The following LRP2 variants were observed in gnomAD, a reference collection of about 807,000 sequenced individuals.
LRP2 encodes the protein low-density lipoprotein receptor-related protein 2.
In LRP2, 172 loss-of-function variants were observed where a neutral mutation model predicts 531.0. The observed-to-expected ratio is 0.32, with a 90% CI of 0.29 to 0.37. The LOEUF is 0.37. LRP2 is among the 10% of genes least tolerant of loss of function. The pLI is 1.00. For missense variants in LRP2, 5,167 were observed against 5,868.3 expected (o/e 0.88, Z 3.90); for synonymous variants, 1,992 against 2,027.6 (o/e 0.98, Z 0.47).
rs1020318889 is a variant in LRP2 at position 169,236,179 on chromosome 2, C to A, written c.4692-111G>T. On this transcript the variant is annotated intron_variant, in intron 28 of 78. Transcript: ENST00000649046. ...TTATGCCCTGCTTAAAATAAATCAT[C>A]TCTGGTTCAGAATATATTCACAGAG... is the stretch of plus-strand genomic sequence containing the variant. 6.0e-6 allele frequency: 5 copies of A among 833,438 alleles called. No individual in the cohort carries two copies. The African/African-American group carries it at 8.4e-5, about 14-fold the overall frequency. 51.6% of individuals were successfully genotyped at this position (833,438 alleles called of 1,614,324 possible). A position where few individuals can be genotyped will look rare whatever the true frequency, so the allele number is the denominator to read the frequency against.
intron 70 of LRP2, 135 bp downstream of exon 70, chr2:169,145,612 A>C (rs1685878759): frequency 2.4e-6 from 2 of 845,520 alleles, no homozygotes; most frequent in Non-Finnish European, 3.9e-6. Context: ...GCAAACGTAC[A>C]TACACATATA....
intron 1 of LRP2, among the ~76,000 whole-genome samples, chr2:169,350,277 C>G (rs74716180): frequency 9.2e-5 from 14 of 152,126 alleles, no homozygotes; most frequent in Non-Finnish European, 1.3e-4. Flanking sequence ...CAATTTCAGA[C>G]ATGTGAAGTC....
intron 54 of LRP2, 22 bp from the exon 55 acceptor site, chr2:169,175,411 C>G (rs1442068167): frequency 6.2e-7 from 1 of 1,611,472 alleles, no homozygotes; most frequent in Non-Finnish European, 8.5e-7. Context: ...ACATACAGCA[C>G]TTCTTTAGCA....
At chr2:169,285,622 C>T (rs796234669) in intron 9 of LRP2, among the ~76,000 whole-genome samples, 7 of 152,124 alleles carry the variant, frequency 4.6e-5, no homozygotes, top group African/African-American at 1.2e-4. Flanking sequence ...AACTGAGCCC[C>T]CCTTGGCCAC....
In LRP2 at chr2:169,175,248, T is replaced by C. The variant is rs774577540; in HGVS notation, c.10713A>G (p.Leu3571=). The C allele has an allele frequency of 6.2e-7, 1 of 1,614,066 alleles. No homozygotes were observed. Among genetic ancestry groups the C allele is most frequent in the Admixed American group, 1.7e-5 (1 of 60,002 alleles). The change falls in exon 55 of 79, where the codon TTA becomes TTG. Residue 3571 remains leucine, a synonymous_variant. Transcript: ENST00000649046. ...CAGGGCAATTTTGGTGAGCATTGCATAAAGTCTGCGGGCTGGTGCAGTTGC... is the reference window on the plus strand; with the variant it reads ...CAGGGCAATTTTGGTGAGCATTGCACAAAGTCTGCGGGCTGGTGCAGTTGC... The part of the protein sequence containing the change: ...SDGNCTSPQT[L]CNAHQNCPDG...
At chr2:169,330,131 A>G (rs930883726) in intron 1 of LRP2, among the ~76,000 whole-genome samples, 2 of 152,120 alleles carry the variant, frequency 1.3e-5, no homozygotes, top group African/African-American at 4.8e-5. Flanking sequence ...TCTTCCACGA[A>G]ACCAGTCCCT....
chr2:169,279,260 A>G (rs1172264682), intron 12 of LRP2, 112 bp downstream of exon 12: 11 of 799,994 alleles, frequency 1.4e-5, no homozygotes, highest in Non-Finnish European at 2.4e-5. Flanking sequence ...TAGAGTATAC[A>G]GCCTAAAAGA....
At chr2:169,132,304 T>G (rs1179452224) in intron 77 of LRP2, among the ~76,000 whole-genome samples, 1 of 152,244 alleles carries the variant, frequency 6.6e-6, no homozygotes, top group African/African-American at 2.4e-5. Flanking sequence ...CTGAAGATAC[T>G]GGATCCAGAA....
In LRP2 at chr2:169,189,278, CTA is replaced by C. The variant is rs1270558826; in HGVS notation, c.9033-1015_9033-1014del. 6.6e-5 allele frequency among the ~76,000 whole-genome samples: 10 copies of C among 152,208 alleles called. No individual in the cohort carries two copies. The East Asian group carries it at 1.5e-3, about 24-fold the overall frequency. The stretch of plus-strand genomic sequence containing the variant: ...GAATGTGGTCAGTTTTACAACTGAC[CTA>C]TAACCAGGCCTGCTAACCAGCACTG... On this transcript the variant is annotated intron_variant, in intron 48 of 78. Transcript: ENST00000649046.
chr2:169,170,334 T>A (rs1686948583), intron 59 of LRP2, among the ~76,000 whole-genome samples: 1 of 152,230 alleles, frequency 6.6e-6, no homozygotes, highest in Non-Finnish European at 1.5e-5. Flanking sequence ...TGTTTAAAAT[T>A]CCTTGCTATT....
At chr2:169,164,598 C>A (rs562338000) in intron 62 of LRP2, among the ~76,000 whole-genome samples, 1 of 152,334 alleles carries the variant, frequency 6.6e-6, no homozygotes, top group African/African-American at 2.4e-5. Context: ...CCATGTTGAT[C>A]TTCTCCTGCC....
chr2:169,346,927 G>T (rs1331233041), intron 1 of LRP2, among the ~76,000 whole-genome samples: 1 of 152,178 alleles, frequency 6.6e-6, no homozygotes, highest in African/African-American at 2.4e-5. Context: ...AAGCTTTTAA[G>T]TTCTATCTTT....
intron 45 of LRP2, 69 bp downstream of exon 45, chr2:169,198,717 A>G (rs1414658988): frequency 8.9e-6 from 14 of 1,581,866 alleles, no homozygotes; most frequent in Non-Finnish European, 1.2e-5. Flanking sequence ...CCCACGCTTC[A>G]TATCTTTGTA....
intron 1 of LRP2, among the ~76,000 whole-genome samples, chr2:169,335,162 G>T (rs1031547066): frequency 6.6e-6 from 1 of 152,034 alleles, no homozygotes; most frequent in African/African-American, 2.4e-5. Flanking sequence ...CTATTTTCTT[G>T]TTTATGCATT....
intron 34 of LRP2, among the ~76,000 whole-genome samples, chr2:169,217,342 A>T (rs1688836871): frequency 6.6e-6 from 1 of 151,990 alleles, no homozygotes; most frequent in Non-Finnish European, 1.5e-5. Flanking sequence ...TTCAACTCTA[A>T]ACTTCTCCGC....
chr2:169,213,903 A>G (rs1470128456), intron 35 of LRP2, 33 bp from the exon 36 acceptor site: 5 of 1,487,154 alleles, frequency 3.4e-6, no homozygotes, highest in African/African-American at 2.8e-5. Context: ...AGTTTCATGG[A>G]TTCATAGTGA....
rs778424420 is a variant in LRP2, at chr2:169,292,346, G to T, written c.676C>A (p.Gln226Lys). The change falls in exon 7 of 79, where the codon CAG becomes AAG. Residue 226 changes from glutamine to lysine, a missense_variant. By Grantham distance (53) the Gln-to-Lys change is moderately conservative (BLOSUM62 1). This residue lies in a region of LRP2 where 2,811 missense variants were observed against 3,058.0 expected (regional missense o/e 0.92). Transcript: ENST00000649046. ...ACNYPTCGGY[Q>K]FTCPSGRCIY... ...CATCGGCCACTGGGGCAAGTGAACT[G>T]GTAACCACCGCAGGTCGGATAGTCT... The T allele has an allele frequency of 6.2e-7, 1 of 1,613,464 alleles. No individual in the cohort carries two copies. Among genetic ancestry groups the T allele is most frequent in the Non-Finnish European group, 8.5e-7 (1 of 1,179,504 alleles).
chr2:169,260,281 G>C (rs866195963), intron 16 of LRP2, among the ~76,000 whole-genome samples: 1 of 152,114 alleles, frequency 6.6e-6, no homozygotes, highest in African/African-American at 2.4e-5. Flanking sequence ...AGGATGGTCT[G>C]AGAGCACAGA....
chr2:169,260,575 G>A (rs1337018820), intron 16 of LRP2, among the ~76,000 whole-genome samples: 1 of 152,032 alleles, frequency 6.6e-6, no homozygotes, highest in Non-Finnish European at 1.5e-5. Context: ...GTATCCAAAA[G>A]GCAGCTGGCA....
Sources: allele counts gnomAD v4.1 joint callset (sites outside exome capture counted in the v4.1 genomes callset), GRCh38; gene constraint gnomAD v4.1.1; regional missense constraint gnomAD v4.1.1; transcripts MANE v1.5; gene names NCBI Gene and HGNC (gene_info 2026-07-23, HGNC 2026-07-21).